Variants in OSBPL8 observed in about 807,000 individuals in gnomAD.
OSBPL8 encodes oxysterol binding protein like 8.
A neutral mutation model predicts 125.5 loss-of-function variants in OSBPL8; 59 were observed. The ratio of observed to expected loss-of-function variants is 0.47; its 90% CI spans 0.38 to 0.58. The LOEUF (loss-of-function observed/expected upper bound fraction) is 0.58, where lower values mean the gene tolerates loss of function less well. Ranked by LOEUF, OSBPL8 falls within the 20% of genes least tolerant of loss-of-function variation. The pLI is 0.00. For missense variants in OSBPL8, 758 were observed against 1,047.8 expected (o/e 0.72, Z 3.82); for synonymous variants, 330 against 338.9 (o/e 0.97, Z 0.29).
intron 4 of OSBPL8, among the ~76,000 whole-genome samples, chr12:76,426,123 G>C (rs79958722): frequency 6.6e-6 from 1 of 152,160 alleles, no homozygotes; most frequent in Non-Finnish European, 1.5e-5. Context: ...ATCTAACTTA[G>C]GAGTCTAATA....
intron 1 of OSBPL8, among the ~76,000 whole-genome samples, chr12:76,494,441 T>A (rs1879066925): frequency 6.6e-6 from 1 of 152,086 alleles, no homozygotes; most frequent in African/African-American, 2.4e-5. Flanking sequence ...ACAATTATAG[T>A]GAGAGAAGGG....
At chr12:76,428,165 C>T (rs1156840630) in intron 4 of OSBPL8, among the ~76,000 whole-genome samples, 3 of 151,954 alleles carry the variant, frequency 2.0e-5, no homozygotes, top group Non-Finnish European at 2.9e-5. Flanking sequence ...AGACCAACTA[C>T]ATATATCATA....
chr12:76,519,083 G>A (rs2091264421), intron 1 of OSBPL8, among the ~76,000 whole-genome samples: 1 of 152,110 alleles, frequency 6.6e-6, no homozygotes, highest in African/African-American at 2.4e-5. Flanking sequence ...GAATTTTTAT[G>A]CTCTGCTACC....
chr12:76,387,653 T>C (rs1466854859), intron 12 of OSBPL8, among the ~76,000 whole-genome samples: 1 of 152,158 alleles, frequency 6.6e-6, no homozygotes, highest in African/African-American at 2.4e-5. Context: ...CATTTACGTT[T>C]CACAAGCATG....
chr12:76,417,805 G>T (rs938544712), intron 4 of OSBPL8, among the ~76,000 whole-genome samples: 1 of 151,982 alleles, frequency 6.6e-6, no homozygotes, highest in Non-Finnish European at 1.5e-5. Flanking sequence ...GTTTGTATCG[G>T]ATCACTCTAA....
At chr12:76,502,323 C>A (rs919627923) in intron 1 of OSBPL8, among the ~76,000 whole-genome samples, 1 of 152,162 alleles carries the variant, frequency 6.6e-6, no homozygotes, top group South Asian at 2.1e-4. Flanking sequence ...CTTTGCCAGT[C>A]TGGAGGTCTT....
rs1870906683 is a variant in OSBPL8 at position 76,432,116 on chromosome 12, G to GA, written c.217+18734dup. ...AGTAATCGATAACAGTAAGAAAACAGAAAAATCACAAATAGATAAAAACTA... is the reference window on the plus strand; with the variant it reads ...AGTAATCGATAACAGTAAGAAAACAGAAAAAATCACAAATAGATAAAAACTA... On this transcript the variant is annotated intron_variant, in intron 4 of 23. Transcript: ENST00000261183. Among the ~76,000 whole-genome samples, 3 of 151,976 alleles carry GA rather than the reference G, an allele frequency of 2.0e-5. No individual in the cohort carries two copies. The South Asian group carries it at 6.2e-4, about 32-fold the overall frequency.
At chr12:76,544,330 T>TCCAAATA (rs761450525) in intron 1 of OSBPL8, among the ~76,000 whole-genome samples, 1 of 152,192 alleles carries the variant, frequency 6.6e-6, no homozygotes, top group African/African-American at 2.4e-5. Flanking sequence ...TGCCACCTTT[T>TCCAAATA]CCAAATACCA....
At position 76,410,746 on chromosome 12, in the gene OSBPL8, AC is replaced by A. The variant is rs1214783477; in HGVS notation, c.218-113del. The A allele has an allele frequency of 7.3e-5, 51 of 694,736 alleles. No individual in the cohort carries two copies. In the East Asian group the frequency reaches 1.3e-3, roughly 17 times the overall value. The allele number at this position is 694,736 out of a possible 1,614,324, so 43.0% of individuals were successfully genotyped here. On this transcript the variant is annotated intron_variant, in intron 4 of 23. Transcript: ENST00000261183. ...ATAAATCAGTGCAGGAAGCCTGTAC[AC>A]ACAGCTTTAAACTATTAAAGATCTC...
At chr12:76,427,134 C>T (rs1468241637) in intron 4 of OSBPL8, among the ~76,000 whole-genome samples, 11 of 151,990 alleles carry the variant, frequency 7.2e-5, no homozygotes, top group East Asian at 1.9e-4. Flanking sequence ...ACATTCTTTA[C>T]GTTAAAGGTT....
intron 15 of OSBPL8, among the ~76,000 whole-genome samples, chr12:76,382,432 T>A (rs1174880021): frequency 6.6e-6 from 1 of 152,054 alleles, no homozygotes; most frequent in Non-Finnish European, 1.5e-5. Flanking sequence ...AATTATTTGT[T>A]GTAAGGGGTT....
chr12:76,436,332 T>A (rs1030519173), intron 4 of OSBPL8, among the ~76,000 whole-genome samples: 4 of 152,104 alleles, frequency 2.6e-5, no homozygotes, highest in African/African-American at 9.7e-5. Context: ...CCAAACTAAC[T>A]TCATGGTTCA....
chr12:76,477,945 T>A (rs1877011974), intron 2 of OSBPL8, among the ~76,000 whole-genome samples: 1 of 152,046 alleles, frequency 6.6e-6, no homozygotes, highest in African/African-American at 2.4e-5. Flanking sequence ...GGCTCACACC[T>A]GTAATCCCAG....
intron 2 of OSBPL8, among the ~76,000 whole-genome samples, chr12:76,478,132 G>A (rs562883558): frequency 1.3e-4 from 20 of 152,146 alleles, no homozygotes; most frequent in African/African-American, 4.6e-4. Flanking sequence ...AACCTGGGAG[G>A]CAGAGGCTTC....
chr12:76,400,305 C>T (rs931937654), intron 6 of OSBPL8, among the ~76,000 whole-genome samples: 15 of 152,160 alleles, frequency 9.9e-5, no homozygotes, highest in Non-Finnish European at 1.9e-4. Context: ...TGCCCTCCAG[C>T]TCCATCCATA....
chr12:76,397,653 A>C, intron 8 of OSBPL8, 41 bp downstream of exon 8: 1 of 1,565,412 alleles, frequency 6.4e-7, no homozygotes, highest in African/African-American at 1.4e-5. Context: ...TTCATGGATT[A>C]TCATCTTTAC....
At chr12:76,485,443 C>T (rs1256487969) in intron 2 of OSBPL8, among the ~76,000 whole-genome samples, 3 of 152,006 alleles carry the variant, frequency 2.0e-5, no homozygotes, top group African/African-American at 4.8e-5. Context: ...CATGGTGGCA[C>T]ATGCCTGTAA....
chr12:76,489,658 G>A (rs1878505481), intron 1 of OSBPL8, among the ~76,000 whole-genome samples: 1 of 152,190 alleles, frequency 6.6e-6, no homozygotes, highest in African/African-American at 2.4e-5. Context: ...CACTGACAAT[G>A]CACTTGGTCA....
Position 76,493,129 on chromosome 12 carries a change from T to C in OSBPL8, c.-67-5511A>G, listed in dbSNP as rs1878909488. The stretch of plus-strand genomic sequence containing the variant: ...GGCTGTGAGCAAGTCCATTGCCTTC[T>C]CTGAGTCTTTGTTTTCTCATTTGCA... On this transcript the variant is annotated intron_variant, in intron 1 of 23. Coordinates refer to ENST00000261183, the MANE Select transcript of OSBPL8 (RefSeq NM_020841.5). Among the ~76,000 whole-genome samples, 7 of 152,186 alleles carry C rather than the reference T, an allele frequency of 4.6e-5. 1 individual carries two copies. The South Asian group carries it at 1.4e-3, about 32-fold the overall frequency.
Sources: allele counts gnomAD v4.1 joint callset (sites outside exome capture counted in the v4.1 genomes callset), GRCh38; gene constraint gnomAD v4.1.1; transcripts MANE v1.5; gene names NCBI Gene and HGNC (gene_info 2026-07-23, HGNC 2026-07-21).